Variants in NBAS observed in about 807,000 individuals in gnomAD.
NBAS encodes the protein NAG/BC035112 fusion.
NBAS carries 219 observed loss-of-function variants against 302.5 expected under a neutral mutation model. The observed-to-expected ratio is 0.72, with a 90% CI of 0.65 to 0.81. The LOEUF is 0.81. Ranked by LOEUF, NBAS falls within the 30% of genes least tolerant of loss-of-function variation. NBAS has a pLI of 0.00. For missense variants in NBAS, 2,932 were observed against 2,841.6 expected (o/e 1.03, Z -0.72); for synonymous variants, 1,118 against 1,021.6 (o/e 1.09, Z -1.80).
At chr2:15,461,845 T>C (rs1012429050) in intron 19 of NBAS, 54 bp from the exon 20 acceptor site, 1 of 983,092 alleles carries the variant, frequency 1.0e-6, no homozygotes, top group Non-Finnish European at 1.6e-6. Flanking sequence ...TAAATATGGG[T>C]GACAAGAAAA....
At chr2:15,557,435 CTG>C (rs1180107982) in intron 2 of NBAS, among the ~76,000 whole-genome samples, 1 of 152,154 alleles carries the variant, frequency 6.6e-6, no homozygotes, top group East Asian at 1.9e-4. Flanking sequence ...TCTATAGTGT[CTG>C]TATTTTCTAC....
At chr2:15,475,451 T>A (rs1423151901) in intron 14 of NBAS, among the ~76,000 whole-genome samples, 1 of 152,184 alleles carries the variant, frequency 6.6e-6, no homozygotes, top group Non-Finnish European at 1.5e-5. Context: ...ATATATCATT[T>A]CAGTGAAAAA....
At chr2:15,098,511 ATATTGTATATATGTTATATATTATG>A in the NBAS span, among the ~76,000 whole-genome samples, 240 of 111,676 alleles carry the variant, frequency 2.1e-3, no homozygotes, top group East Asian at 4.1e-3. Context: ...TATATATTAT[ATATTGTATATATGTTATATATTATG>A]TATTGTATAT....
chr2:15,265,920 C>A (rs11904632), intron 44 of NBAS, among the ~76,000 whole-genome samples: 89,485 of 152,104 alleles, frequency 0.59, 29,187 homozygotes, highest in African/African-American at 0.87. Context: ...CCAAACCATG[C>A]AAATTCTAAG....
At chr2:15,258,843 T>C (rs1225179100) in intron 44 of NBAS, among the ~76,000 whole-genome samples, 1 of 152,166 alleles carries the variant, frequency 6.6e-6, no homozygotes, top group Non-Finnish European at 1.5e-5. Context: ...AAGCATGTGA[T>C]CTTTGTGACC....
chr2:14,983,049 C>T, the NBAS span, among the ~76,000 whole-genome samples: 1 of 152,182 alleles, frequency 6.6e-6, no homozygotes, highest in Non-Finnish European at 1.5e-5. Context: ...TAGGCTACAC[C>T]ACTTGCTTAA....
At chr2:14,850,202 C>A in the NBAS span, among the ~76,000 whole-genome samples, 1,995 of 133,896 alleles carry the variant, frequency 0.015, 562 homozygotes, top group African/African-American at 0.071. Context: ...TGCAGAGACA[C>A]ATGTAGGCTC....
At chr2:15,125,938 C>T in the NBAS span, among the ~76,000 whole-genome samples, 737 of 152,128 alleles carry the variant, frequency 4.8e-3, 2 homozygotes, top group Middle Eastern at 0.024. Flanking sequence ...TTGTATTTTG[C>T]CATGTGAGAA....
the NBAS span, among the ~76,000 whole-genome samples, chr2:14,995,494 G>T: frequency 1.3e-5 from 2 of 152,170 alleles, no homozygotes; most frequent in Non-Finnish European, 2.9e-5. Flanking sequence ...CCCTTGGGCT[G>T]GGTCAGGAAC....
At chr2:15,069,371 T>C in the NBAS span, among the ~76,000 whole-genome samples, 1 of 152,190 alleles carries the variant, frequency 6.6e-6, no homozygotes, top group Non-Finnish European at 1.5e-5. Context: ...GCAAAGAGAT[T>C]CCTTCAGTCA....
At chr2:15,287,910 C>T (rs536194948) in intron 41 of NBAS, among the ~76,000 whole-genome samples, 124 of 151,578 alleles carry the variant, frequency 8.2e-4, no homozygotes, top group African/African-American at 1.9e-3. Flanking sequence ...CTGAGCACCC[C>T]GTGTAGGCAT....
At chr2:15,404,632 C>T (rs1292055701) in intron 25 of NBAS, among the ~76,000 whole-genome samples, 2 of 151,870 alleles carry the variant, frequency 1.3e-5, no homozygotes, top group Non-Finnish European at 2.9e-5. Context: ...CCTGCCTCGG[C>T]GTCCTGAGTA....
At chr2:14,856,692 A>G in the NBAS span, among the ~76,000 whole-genome samples, 1 of 152,128 alleles carries the variant, frequency 6.6e-6, no homozygotes, top group Non-Finnish European at 1.5e-5. Context: ...CTTTACTAAC[A>G]GTATTGATCA....
chr2:15,297,103 T>C (rs1670584330), intron 40 of NBAS, among the ~76,000 whole-genome samples: 1 of 152,238 alleles, frequency 6.6e-6, no homozygotes, highest in Admixed American at 6.5e-5. Flanking sequence ...GTACTGAGTC[T>C]CATTTTGCAT....
the NBAS span, among the ~76,000 whole-genome samples, chr2:14,993,926 A>G: frequency 1.3e-5 from 2 of 152,364 alleles, no homozygotes; most frequent in East Asian, 3.9e-4. Context: ...TACAAAAATG[A>G]CAGAGACATG....
At chr2:15,114,710 G>C in the NBAS span, among the ~76,000 whole-genome samples, 1 of 152,192 alleles carries the variant, frequency 6.6e-6, no homozygotes, top group Admixed American at 6.5e-5. Flanking sequence ...CACGTGGAAA[G>C]CATCTGGGGT....
the NBAS span, among the ~76,000 whole-genome samples, chr2:15,071,229 TAGG>T: frequency 6.6e-6 from 1 of 152,322 alleles, no homozygotes; most frequent in African/African-American, 2.4e-5. Context: ...CCCTCTCCCT[TAGG>T]AGACTTTCAG....
the NBAS span, among the ~76,000 whole-genome samples, chr2:14,780,485 C>T: frequency 1.5e-3 from 232 of 152,334 alleles, 1 homozygote; most frequent in African/African-American, 5.2e-3. Flanking sequence ...TCTAGGATGG[C>T]ACTGCCAGAT....
At chr2:15,186,606 CAT>C (rs1214688584) in intron 50 of NBAS, 134 bp downstream of exon 50, 19 of 1,278,550 alleles carry the variant, frequency 1.5e-5, no homozygotes, top group Middle Eastern at 1.8e-4. Flanking sequence ...TCATCTGATC[CAT>C]CAGAAATTAT....
Sources: allele counts gnomAD v4.1 joint callset (sites outside exome capture counted in the v4.1 genomes callset), GRCh38; gene constraint gnomAD v4.1.1; transcripts MANE v1.5; gene names NCBI Gene and HGNC (gene_info 2026-07-23, HGNC 2026-07-21).